CADM2: variants seen among roughly 807,000 people sequenced by gnomAD.
The protein encoded by CADM2 is immunoglobulin superfamily member 4D.
A neutral mutation model predicts 49.8 loss-of-function variants in CADM2; 12 were observed. The ratio of observed to expected loss-of-function variants is 0.24; its 90% CI spans 0.15 to 0.39. CADM2 has a LOEUF of 0.39. Ranked by LOEUF, CADM2 falls within the 10% of genes least tolerant of loss-of-function variation. The pLI is 1.00. For missense variants in CADM2, 378 were observed against 492.3 expected (o/e 0.77, Z 2.20); for synonymous variants, 214 against 175.4 (o/e 1.22, Z -1.74).
chr3:85,041,284 T>A (rs574021062), intron 1 of CADM2, among the ~76,000 whole-genome samples: 1 of 152,310 alleles, frequency 6.6e-6, no homozygotes, highest in South Asian at 2.1e-4. Flanking sequence ...TCTAAATTTT[T>A]ATCAGGGTGT....
chr3:86,030,369 T>C (rs1342669506), intron 8 of CADM2, among the ~76,000 whole-genome samples: 1 of 151,924 alleles, frequency 6.6e-6, no homozygotes, highest in African/African-American at 2.4e-5. Flanking sequence ...CAAATTTCAG[T>C]TTTTTTCTTT....
At position 85,606,430 on chromosome 3, in the gene CADM2, C is replaced by A. The variant is rs1208777410; in HGVS notation, c.62-120092C>A. Among the ~76,000 whole-genome samples the A allele has an allele frequency of 2.0e-5, 3 of 152,102 alleles. No homozygotes were observed. In the East Asian group the frequency reaches 5.8e-4, roughly 29 times the overall value. ...GCCCGCAGCTTAGTTTCTATAGAAT[C>A]AGAGTTTTAATATATCTCACTTTGG... On this transcript the variant is annotated intron_variant, in intron 1 of 9. Coordinates refer to ENST00000383699, the MANE Select transcript of CADM2 (RefSeq NM_001167675.2).
chr3:85,850,269 T>C (rs567864094), intron 3 of CADM2, among the ~76,000 whole-genome samples: 145 of 150,794 alleles, frequency 9.6e-4, no homozygotes, highest in African/African-American at 3.5e-3. Context: ...GCAAACTTGA[T>C]CAGTGTGGCT....
chr3:85,098,726 G>A (rs1333973390), intron 1 of CADM2, among the ~76,000 whole-genome samples: 2 of 152,130 alleles, frequency 1.3e-5, no homozygotes, highest in Admixed American at 6.6e-5. Context: ...CTCACAGTTG[G>A]TCCTGGGGAA....
chr3:85,304,480 C>T (rs1403394294), intron 1 of CADM2, among the ~76,000 whole-genome samples: 2 of 151,704 alleles, frequency 1.3e-5, no homozygotes, highest in Non-Finnish European at 3.0e-5. Context: ...GCCAGCTCCA[C>T]TTCTAACATA....
intron 1 of CADM2, among the ~76,000 whole-genome samples, chr3:85,332,807 T>C (rs76514402): frequency 2.6e-5 from 4 of 151,740 alleles, no homozygotes; most frequent in Non-Finnish European, 5.9e-5. Context: ...GCAAGTAGAT[T>C]GAAGATTTGA....
chr3:85,001,980 A>G (rs1243790894), intron 1 of CADM2, among the ~76,000 whole-genome samples: 1 of 152,142 alleles, frequency 6.6e-6, no homozygotes, highest in East Asian at 1.9e-4. Context: ...TCTAGCCAAG[A>G]AAATCTGGGG....
chr3:85,487,834 T>G (rs888787990), intron 1 of CADM2, among the ~76,000 whole-genome samples: 1 of 152,166 alleles, frequency 6.6e-6, no homozygotes, highest in African/African-American at 2.4e-5. Flanking sequence ...TAATGCCTAA[T>G]ACAATCTATC....
intron 1 of CADM2, among the ~76,000 whole-genome samples, chr3:85,109,153 TA>T (rs369405190): frequency 1.2e-4 from 18 of 152,096 alleles, no homozygotes; most frequent in African/African-American, 2.2e-4. Context: ...TATAGTTACT[TA>T]AAAAAACTTT....
At chr3:85,554,138 T>TG (rs750774568) in intron 1 of CADM2, among the ~76,000 whole-genome samples, 3 of 74,506 alleles carry the variant, frequency 4.0e-5, no homozygotes, top group Non-Finnish European at 5.4e-5. Context: ...AATTAGGGGC[T>TG]GGGGGGCGGG....
chr3:85,550,978 GTTTA>G (rs570441969), intron 1 of CADM2, among the ~76,000 whole-genome samples: 37 of 115,362 alleles, frequency 3.2e-4, no homozygotes, highest in Non-Finnish European at 4.0e-4. Context: ...TTGTTTGTTT[GTTTA>G]TTTATTTATT....
At chr3:85,976,134 T>A (rs1341663661) in intron 8 of CADM2, among the ~76,000 whole-genome samples, 1 of 151,616 alleles carries the variant, frequency 6.6e-6, no homozygotes, top group Non-Finnish European at 1.5e-5. Context: ...TGCGTATGAA[T>A]TAGTATTTTT....
intron 1 of CADM2, among the ~76,000 whole-genome samples, chr3:85,076,637 A>T (rs1309976369): frequency 6.6e-6 from 1 of 151,620 alleles, no homozygotes; most frequent in Non-Finnish European, 1.5e-5. Context: ...ATGAGCCACC[A>T]CACCCGGCCA....
intron 7 of CADM2, among the ~76,000 whole-genome samples, chr3:85,945,208 CCCTCCCAAGA>C (rs1722506886): frequency 6.6e-6 from 1 of 152,056 alleles, no homozygotes; most frequent in Non-Finnish European, 1.5e-5. Context: ...GACACATACA[CCCTCCCAAGA>C]CTAAACCAGG....
intron 1 of CADM2, among the ~76,000 whole-genome samples, chr3:85,580,744 A>G (rs145044608): frequency 4.3e-4 from 65 of 152,252 alleles, no homozygotes; most frequent in Non-Finnish European, 7.6e-4. Context: ...TGTTAAAACT[A>G]CAATGCAGAA....
intron 8 of CADM2, among the ~76,000 whole-genome samples, chr3:86,030,050 G>A (rs1428261989): frequency 6.6e-6 from 1 of 151,830 alleles, no homozygotes; most frequent in Non-Finnish European, 1.5e-5. Flanking sequence ...TAAGGAAGGG[G>A]GATCTTTAAA....
chr3:86,035,413 C>G (rs898418469), intron 8 of CADM2, among the ~76,000 whole-genome samples: 2 of 151,916 alleles, frequency 1.3e-5, no homozygotes, highest in African/African-American at 4.8e-5. Flanking sequence ...AATGGTAATT[C>G]CTTGTATATT....
intron 1 of CADM2, among the ~76,000 whole-genome samples, chr3:85,082,958 T>C (rs928914351): frequency 5.9e-5 from 9 of 152,156 alleles, no homozygotes; most frequent in African/African-American, 2.2e-4. Flanking sequence ...GCAAAAAATT[T>C]CCAAGTTGTA....
intron 1 of CADM2, among the ~76,000 whole-genome samples, chr3:85,322,684 A>T (rs2044645438): frequency 1.3e-5 from 2 of 152,216 alleles, no homozygotes; most frequent in Admixed American, 6.5e-5. Context: ...AAGTATTTTT[A>T]AAAATTATTT....
Sources: allele counts gnomAD v4.1 joint callset (sites outside exome capture counted in the v4.1 genomes callset), GRCh38; gene constraint gnomAD v4.1.1; transcripts MANE v1.5; gene names NCBI Gene and HGNC (gene_info 2026-07-23, HGNC 2026-07-21).